Variants in SNTB2 observed in about 807,000 individuals in gnomAD.
SNTB2 encodes syntrophin beta 2, also known as beta-2-syntrophin.
SNTB2 carries 34 observed loss-of-function variants against 46.2 expected under a neutral mutation model. The observed-to-expected ratio is 0.74, with a 90% CI of 0.56 to 0.98. The LOEUF is 0.98. Among genes scored for constraint, SNTB2 ranks in the 50% least tolerant of loss-of-function variants. SNTB2 has a pLI of 0.00. For synonymous variants in SNTB2, 290 were observed against 312.6 expected (o/e 0.93, Z 0.76); for missense variants, 603 against 731.4 (o/e 0.82, Z 2.02).
chr16:69,295,835 G>T (rs964774071), intron 5 of SNTB2, among the ~76,000 whole-genome samples: 3 of 152,106 alleles, frequency 2.0e-5, no homozygotes, highest in African/African-American at 7.2e-5. Context: ...TCCTAAAAGG[G>T]TAAGGGGTGT....
intron 1 of SNTB2, among the ~76,000 whole-genome samples, chr16:69,214,525 A>C (rs575210245): frequency 1.3e-5 from 2 of 149,932 alleles, no homozygotes; most frequent in African/African-American, 4.9e-5. Context: ...TTATATGTAC[A>C]TATGTGTGTA....
rs528162855 is a variant in SNTB2 at position 69,308,778 on chromosome 16, T to C, written c.*7854T>C. On this transcript the variant is annotated 3_prime_UTR_variant, in exon 7 of 7. Coordinates refer to ENST00000336278, the MANE Select transcript of SNTB2 (RefSeq NM_006750.4). Reference sequence around the variant, plus strand: ...ACCCTGTATTTAAACAAGCCTTCTTTTTAAGTCTTGTTTGAAATTTAAGTC... The same window carrying C: ...ACCCTGTATTTAAACAAGCCTTCTTCTTAAGTCTTGTTTGAAATTTAAGTC... The C allele has an allele frequency of 1.3e-5, 2 of 152,342 alleles. No homozygotes were observed. Among genetic ancestry groups the C allele is most frequent in the South Asian group, 4.1e-4 (2 of 4,826 alleles). The allele number at this position is 152,342 out of a possible 1,614,324, so 9.4% of individuals were successfully genotyped here.
chr16:69,286,327 G>T (rs1027523771), intron 5 of SNTB2, among the ~76,000 whole-genome samples: 4 of 152,186 alleles, frequency 2.6e-5, no homozygotes, highest in African/African-American at 9.6e-5. Context: ...GAGGCAGGAG[G>T]ATTGCTTGAG....
intron 1 of SNTB2, among the ~76,000 whole-genome samples, chr16:69,241,105 TCGC>T (rs386791824): frequency 0.14 from 20,851 of 148,394 alleles, 1,570 homozygotes; most frequent in Middle Eastern, 0.23. Context: ...AGTGATCCAC[TCGC>T]CTTGGCCTCC....
intron 1 of SNTB2, among the ~76,000 whole-genome samples, chr16:69,232,798 C>T (rs1181640364): frequency 1.3e-5 from 2 of 152,096 alleles, no homozygotes; most frequent in Non-Finnish European, 2.9e-5. Context: ...GTGTGAGCTA[C>T]TGCCCCCAGC....
rs533281761 is a variant in SNTB2 at position 69,252,510 on chromosome 16, A to G, written c.794+6695A>G. On this transcript the variant is annotated intron_variant, in intron 2 of 6. Coordinates refer to ENST00000336278, the MANE Select transcript of SNTB2 (RefSeq NM_006750.4). Reference sequence around the variant, plus strand: ...ATCCGTGTTCTTTGCATTGGTTCACAGTGCCTCAGTCATCTTCACATTGGC... The same window carrying G: ...ATCCGTGTTCTTTGCATTGGTTCACGGTGCCTCAGTCATCTTCACATTGGC... Among the ~76,000 whole-genome samples, 15 of 152,362 alleles carry G rather than the reference A, an allele frequency of 9.8e-5. No homozygotes were observed. In the East Asian group the frequency reaches 2.9e-3, roughly 29 times the overall value.
At chr16:69,194,819 G>A (rs1964087864) in intron 1 of SNTB2, among the ~76,000 whole-genome samples, 1 of 152,122 alleles carries the variant, frequency 6.6e-6, no homozygotes, top group Non-Finnish European at 1.5e-5. Context: ...ACAGAAGAAG[G>A]GGGAATGGAT....
intron 1 of SNTB2, among the ~76,000 whole-genome samples, chr16:69,196,722 A>G (rs1054032580): frequency 1.3e-5 from 2 of 152,182 alleles, no homozygotes; most frequent in African/African-American, 4.8e-5. Context: ...TCATCCCCAT[A>G]TAAAATATAA....
At chr16:69,262,500 G>T (rs1964843807) in intron 3 of SNTB2, among the ~76,000 whole-genome samples, 2 of 151,502 alleles carry the variant, frequency 1.3e-5, no homozygotes. Context: ...TGTTCATAGT[G>T]TTGTTTTTTT....
intron 1 of SNTB2, among the ~76,000 whole-genome samples, chr16:69,232,054 C>G (rs1597180845): frequency 6.6e-6 from 1 of 152,052 alleles, no homozygotes. Flanking sequence ...GCTTGTTATT[C>G]TACATTTCTA....
chr16:69,281,639 T>C (rs1597199057), intron 4 of SNTB2, among the ~76,000 whole-genome samples: 2 of 151,620 alleles, frequency 1.3e-5, no homozygotes, highest in Non-Finnish European at 2.9e-5. Flanking sequence ...TCACCTGAGG[T>C]CAAGACCTGC....
chr16:69,235,712 C>A, intron 1 of SNTB2: 1 of 1,286,458 alleles, frequency 7.8e-7, no homozygotes, highest in Non-Finnish European at 1.0e-6. Context: ...CCAGGGCTAA[C>A]AACATAGTAC....
chr16:69,263,898 T>C (rs1964860248), intron 3 of SNTB2, among the ~76,000 whole-genome samples: 2 of 151,580 alleles, frequency 1.3e-5, no homozygotes, highest in Admixed American at 6.6e-5. Flanking sequence ...AGTCTCACTC[T>C]GTTGCCCAGA....
Position 69,260,088 on chromosome 16 carries a change from T to C in SNTB2, c.833T>C (p.Leu278Ser). The change falls in exon 3 of 7, where the codon TTG becomes TCG. Residue 278 changes from leucine (L) to serine (S), a missense_variant. Around this residue, in one of 2 missense-constraint regions of SNTB2, gnomAD observed 537 missense variants for 692.4 expected, o/e 0.78. Transcript: ENST00000336278. Reference protein sequence around the residue: ...ELHSPDSRNTLILRCKDTATA... With the variant: ...ELHSPDSRNTSILRCKDTATA... ...CATTCTCCTGATAGCAGGAACACGT[T>C]GATCCTACGCTGCAAAGATACAGCC... 6.2e-7 allele frequency: 1 copy of C among 1,614,148 alleles called. No homozygotes were observed. Among genetic ancestry groups the C allele is most frequent in the Non-Finnish European group, 8.5e-7 (1 of 1,180,022 alleles).
At chr16:69,224,157 A>AACCTTGAT (rs1376543156) in intron 1 of SNTB2, among the ~76,000 whole-genome samples, 2 of 152,006 alleles carry the variant, frequency 1.3e-5, no homozygotes, top group Non-Finnish European at 2.9e-5. Context: ...TAGTCATATA[A>AACCTTGAT]ACCTTGATTA....
chr16:69,249,421 G>A (rs9936878), intron 2 of SNTB2, among the ~76,000 whole-genome samples: 4,298 of 152,234 alleles, frequency 0.028, 205 homozygotes, highest in African/African-American at 0.097. Context: ...GTAGAAACCC[G>A]GGGTTGTGGG....
At chr16:69,242,049 G>C (rs1269787390) in intron 1 of SNTB2, 2 of 151,508 alleles carry the variant, frequency 1.3e-5, no homozygotes, top group African/African-American at 4.9e-5. Context: ...AATTCAGTAA[G>C]AATCAGTTGG....
In SNTB2 at chr16:69,275,133, C is replaced by A. The variant is rs1049445728; in HGVS notation, c.1148+4848C>A. On this transcript the variant is annotated intron_variant, in intron 4 of 6. Transcript: ENST00000336278. Reference sequence around the variant, plus strand: ...TTGTCCAGTCTAGAGTGTGCAGTGGCAGGATCATAGCTCACTGTAACCTCA... The same window carrying A: ...TTGTCCAGTCTAGAGTGTGCAGTGGAAGGATCATAGCTCACTGTAACCTCA... Among the ~76,000 whole-genome samples, 4 of 151,480 alleles carry A rather than the reference C, an allele frequency of 2.6e-5. No individual in the cohort carries two copies. The East Asian group carries it at 5.8e-4, about 22-fold the overall frequency.
chr16:69,189,822 C>A (rs778511761), intron 1 of SNTB2, among the ~76,000 whole-genome samples: 3 of 152,182 alleles, frequency 2.0e-5, no homozygotes, highest in Non-Finnish European at 2.9e-5. Flanking sequence ...AAAATGAAAA[C>A]CTTGCAGTAA....
Sources: gnomAD v4.1 joint callset for allele counts (sites outside exome capture counted in the v4.1 genomes callset) on GRCh38, gnomAD v4.1.1 for gene constraint, gnomAD v4.1.1 regional missense constraint, MANE v1.5 for transcripts, NCBI Gene and HGNC (gene_info 2026-07-23, HGNC 2026-07-21) for gene names.